The following NELL1 variants were observed in gnomAD, a reference collection of about 807,000 sequenced individuals.
NELL1 encodes protein kinase C-binding protein NELL1.
NELL1 carries 76 observed loss-of-function variants against 107.4 expected under a neutral mutation model. The observed-to-expected ratio is 0.71, with a 90% CI of 0.59 to 0.86. The LOEUF (loss-of-function observed/expected upper bound fraction) is 0.86, where lower values mean the gene tolerates loss of function less well. Among genes scored for constraint, NELL1 ranks in the 40% least tolerant of loss-of-function variants. NELL1 has a pLI of 0.00. For synonymous variants in NELL1, 353 were observed against 341.2 expected (o/e 1.03, Z -0.38); for missense variants, 1,024 against 1,005.5 (o/e 1.02, Z -0.25).
intron 4 of NELL1, among the ~76,000 whole-genome samples, chr11:20,885,146 T>G (rs1849482102): frequency 6.6e-6 from 1 of 152,224 alleles, no homozygotes. Flanking sequence ...ACCTATAACA[T>G]GCGTATCAAA....
intron 12 of NELL1, among the ~76,000 whole-genome samples, chr11:21,023,530 A>T (rs375559791): frequency 1.3e-5 from 2 of 151,948 alleles, no homozygotes; most frequent in East Asian, 1.9e-4. Flanking sequence ...TCTAATGTGC[A>T]TATTTATTAT....
intron 13 of NELL1, among the ~76,000 whole-genome samples, chr11:21,141,593 T>C (rs1303028055): frequency 6.6e-6 from 1 of 152,090 alleles, no homozygotes; most frequent in East Asian, 1.9e-4. Context: ...TTGATGGTAG[T>C]ATATGAGCCT....
In NELL1 at chr11:20,907,930, G is replaced by A. The variant is rs141597830; in HGVS notation, c.604-10252G>A. On this transcript the variant is annotated intron_variant, in intron 5 of 19. Transcript: ENST00000357134. ...ACTTCTCAAAGGAAGACATTTACAC[G>A]GCCAAAAAACGTATGAAAAAGAGTT... Among the ~76,000 whole-genome samples, 564 of 152,072 alleles carry A rather than the reference G, an allele frequency of 3.7e-3. 1 individual carries two copies. Among genetic ancestry groups the A allele is most frequent in the African/African-American group, 0.013 (526 of 41,484 alleles).
At chr11:21,472,813 C>G (rs1288011809) in intron 15 of NELL1, among the ~76,000 whole-genome samples, 1 of 151,772 alleles carries the variant, frequency 6.6e-6, no homozygotes, top group Non-Finnish European at 1.5e-5. Context: ...CCTTCCCTCC[C>G]CTTGCCTTCC....
At chr11:21,307,842 T>G (rs1391204107) in intron 14 of NELL1, among the ~76,000 whole-genome samples, 1 of 151,950 alleles carries the variant, frequency 6.6e-6, no homozygotes, top group Non-Finnish European at 1.5e-5. Context: ...CAAGGTCAAA[T>G]TTTAATTAGC....
At chr11:21,573,601 C>T (rs1857154825) in intron 19 of NELL1, among the ~76,000 whole-genome samples, 192 bp downstream of exon 19, 1 of 151,724 alleles carries the variant, frequency 6.6e-6, no homozygotes, top group Admixed American at 6.6e-5. Flanking sequence ...AGGCAAATTC[C>T]AAATGAGCAT....
intron 11 of NELL1, among the ~76,000 whole-genome samples, chr11:20,952,441 C>G (rs912520752): frequency 6.6e-6 from 1 of 152,184 alleles, no homozygotes; most frequent in Non-Finnish European, 1.5e-5. Context: ...CCCACCCAGT[C>G]TTCCTCATTG....
chr11:21,531,878 T>C (rs1335294917), intron 15 of NELL1, among the ~76,000 whole-genome samples: 1 of 152,174 alleles, frequency 6.6e-6, no homozygotes, highest in Non-Finnish European at 1.5e-5. Flanking sequence ...AAAGTGTTGC[T>C]GAAAAGCCTC....
chr11:21,333,420 A>G (rs1850315381), intron 14 of NELL1, among the ~76,000 whole-genome samples: 1 of 152,122 alleles, frequency 6.6e-6, no homozygotes, highest in African/African-American at 2.4e-5. Flanking sequence ...AGAAATAGAA[A>G]TAGAAAGATT....
intron 2 of NELL1, among the ~76,000 whole-genome samples, chr11:20,715,634 C>T (rs544020719): frequency 1.3e-5 from 2 of 152,310 alleles, no homozygotes; most frequent in African/African-American, 4.8e-5. Context: ...GGACATCTGC[C>T]AATGTGTCTT....
chr11:20,937,320 G>A lies in NELL1; in HGVS notation c.998-466G>A, dbSNP rs146271866. Among the ~76,000 whole-genome samples the A allele has an allele frequency of 4.2e-3, 643 of 152,138 alleles. 6 individuals are homozygous for A. The highest frequency in any genetic ancestry group is 0.014 in the African/African-American group (597 of 41,500). ...CTTGTCTCACATGTGTATTTCTCAC[G>A]CCCACTCCCATGATCACAAGGAAGA... On this transcript the variant is annotated intron_variant, in intron 9 of 19. Transcript: ENST00000357134.
At chr11:21,024,043 A>G (rs796235071) in intron 12 of NELL1, among the ~76,000 whole-genome samples, 4 of 152,166 alleles carry the variant, frequency 2.6e-5, no homozygotes, top group African/African-American at 9.6e-5. Flanking sequence ...AAGCCTTGCT[A>G]CAAAAAAGAT....
chr11:20,759,021 T>C (rs562325055), intron 2 of NELL1, among the ~76,000 whole-genome samples: 2 of 152,236 alleles, frequency 1.3e-5, no homozygotes, highest in Non-Finnish European at 1.5e-5. Flanking sequence ...ATCTGTGAGA[T>C]AGAGAATTTT....
chr11:21,009,393 G>T (rs1449957930), intron 12 of NELL1, among the ~76,000 whole-genome samples: 1 of 152,114 alleles, frequency 6.6e-6, no homozygotes, highest in Non-Finnish European at 1.5e-5. Context: ...TGCATTGCTT[G>T]TGTTCGTGGT....
chr11:21,434,840 C>T (rs1333201546), intron 15 of NELL1, among the ~76,000 whole-genome samples: 1 of 151,516 alleles, frequency 6.6e-6, no homozygotes, highest in Non-Finnish European at 1.5e-5. Context: ...TTTTTGTGTC[C>T]TCTTCAATTT....
chr11:21,295,880 G>A (rs757544851), intron 14 of NELL1, among the ~76,000 whole-genome samples: 1 of 152,066 alleles, frequency 6.6e-6, no homozygotes, highest in Non-Finnish European at 1.5e-5. Context: ...CACAAAGGCA[G>A]TTAAAAAATT....
intron 17 of NELL1, among the ~76,000 whole-genome samples, chr11:21,564,038 G>C (rs765512817): frequency 9.9e-5 from 15 of 151,960 alleles, no homozygotes; most frequent in African/African-American, 1.9e-4. Flanking sequence ...AGGAGATTAT[G>C]ATGAGCCAGG....
intron 2 of NELL1, among the ~76,000 whole-genome samples, chr11:20,685,258 C>A (rs75788714): frequency 6.6e-6 from 1 of 152,032 alleles, no homozygotes; most frequent in Non-Finnish European, 1.5e-5. Context: ...CCTTCATTGA[C>A]TGATGGCTAG....
chr11:20,845,592 G>T (rs552516846), intron 3 of NELL1, among the ~76,000 whole-genome samples: 2 of 152,242 alleles, frequency 1.3e-5, no homozygotes, highest in Non-Finnish European at 2.9e-5. Flanking sequence ...TTCTATACAG[G>T]TGCTAAATGG....
Sources: allele counts gnomAD v4.1 joint callset (sites outside exome capture counted in the v4.1 genomes callset), GRCh38; gene constraint gnomAD v4.1.1; transcripts MANE v1.5; gene names NCBI Gene and HGNC (gene_info 2026-07-23, HGNC 2026-07-21).